MYO3B: variants seen among roughly 807,000 people sequenced by gnomAD.
MYO3B encodes the protein myosin IIIB.
In MYO3B, 156 loss-of-function variants were observed where a neutral mutation model predicts 174.6. That is an observed-to-expected ratio of 0.89 (90% CI 0.78 to 1.02). The LOEUF is 1.02. Ranked by LOEUF, MYO3B falls within the 50% of genes least tolerant of loss-of-function variation. MYO3B has a pLI of 0.00. For synonymous variants in MYO3B, 563 were observed against 569.1 expected (o/e 0.99, Z 0.15); for missense variants, 1,632 against 1,639.4 (o/e 1.00, Z 0.08).
At position 170,641,187 on chromosome 2, in the gene MYO3B, A is replaced by G. The variant is rs114802904; in HGVS notation, c.3734-10441A>G. 338 of 152,348 alleles carry G rather than the reference A, an allele frequency of 2.2e-3. 2 individuals are homozygous for G. The highest frequency in any genetic ancestry group is 8.0e-3 in the African/African-American group (331 of 41,584). 9.4% of individuals were successfully genotyped at this position (152,348 alleles called of 1,614,324 possible). On this transcript the variant is annotated intron_variant, in intron 32 of 34. Coordinates refer to ENST00000408978, the MANE Select transcript of MYO3B (RefSeq NM_138995.5). ...GAATCCTGAAACACAAATGGTGAAT[A>G]AACTGGGAGGGTAGGGAACATTCAG...
chr2:170,500,449 A>C (rs2106080389), intron 27 of MYO3B, among the ~76,000 whole-genome samples: 1 of 152,348 alleles, frequency 6.6e-6, no homozygotes, highest in Non-Finnish European at 1.5e-5. Flanking sequence ...GGATTCACAC[A>C]GTTGAATATC....
intron 32 of MYO3B, among the ~76,000 whole-genome samples, chr2:170,620,931 C>G (rs1049115277): frequency 7.9e-5 from 12 of 152,070 alleles, no homozygotes; most frequent in African/African-American, 2.7e-4. Flanking sequence ...CTCTGTCACC[C>G]AGGTTAGAGT....
chr2:170,251,023 A>T (rs533101931), intron 7 of MYO3B, among the ~76,000 whole-genome samples: 1 of 151,980 alleles, frequency 6.6e-6, no homozygotes, highest in East Asian at 1.9e-4. Context: ...GTACAAAAAC[A>T]GGAATGCCTG....
chr2:170,476,164 T>G (rs1575041729), intron 25 of MYO3B, among the ~76,000 whole-genome samples: 1 of 152,194 alleles, frequency 6.6e-6, no homozygotes, highest in African/African-American at 2.4e-5. Flanking sequence ...AGCACGTGGA[T>G]GGACACGTGC....
intron 7 of MYO3B, among the ~76,000 whole-genome samples, chr2:170,254,676 G>A (rs903952277): frequency 6.6e-6 from 1 of 152,162 alleles, no homozygotes; most frequent in Admixed American, 6.5e-5. Context: ...CACCACCCAG[G>A]GATATTGAGC....
intron 25 of MYO3B, among the ~76,000 whole-genome samples, chr2:170,496,885 C>T (rs1404719325): frequency 6.6e-6 from 1 of 151,990 alleles, no homozygotes; most frequent in Non-Finnish European, 1.5e-5. Context: ...ACTTTGGCCT[C>T]TCAAAGTACT....
chr2:170,549,125 A>G (rs1690720959), intron 32 of MYO3B, among the ~76,000 whole-genome samples: 1 of 152,004 alleles, frequency 6.6e-6, no homozygotes, highest in Non-Finnish European at 1.5e-5. Flanking sequence ...CTTTACTTAC[A>G]TTTTCTTAAT....
chr2:170,423,231 C>A (rs1237047613), intron 22 of MYO3B, among the ~76,000 whole-genome samples: 2 of 152,056 alleles, frequency 1.3e-5, no homozygotes, highest in African/African-American at 4.8e-5. Context: ...GATCCACCCA[C>A]CTTGGCCTCC....
intron 8 of MYO3B, among the ~76,000 whole-genome samples, chr2:170,338,790 A>G (rs1330601877): frequency 2.0e-5 from 3 of 151,990 alleles, no homozygotes; most frequent in African/African-American, 7.3e-5. Context: ...TTTAGCAGAG[A>G]TGGGGTTTCA....
chr2:170,333,479 G>A (rs1175861924), intron 7 of MYO3B, among the ~76,000 whole-genome samples: 1 of 152,138 alleles, frequency 6.6e-6, no homozygotes, highest in African/African-American at 2.4e-5. Flanking sequence ...AAGATATGAA[G>A]GGTAACTAAA....
At chr2:170,539,506 G>A (rs1689944886) in intron 30 of MYO3B, among the ~76,000 whole-genome samples, 1 of 152,208 alleles carries the variant, frequency 6.6e-6, no homozygotes, top group Non-Finnish European at 1.5e-5. Context: ...CTTGTGAAAT[G>A]AAAGAAGGAG....
chr2:170,483,434 T>G lies in MYO3B; in HGVS notation c.3015-15158T>G, dbSNP rs1289583636. Among the ~76,000 whole-genome samples, 13 of 107,842 alleles carry G rather than the reference T, an allele frequency of 1.2e-4. No individual in the cohort carries two copies. In the Admixed American group the frequency reaches 1.3e-3, roughly 11 times the overall value. 70.7% of individuals were successfully genotyped at this position (107,842 alleles called of 152,430 possible). On this transcript the variant is annotated intron_variant, in intron 25 of 34. Transcript: ENST00000408978. The stretch of plus-strand genomic sequence containing the variant: ...CGGAGTCTAGCTCTGTCGCCCAGGC[T>G]GGAGTGCAGTGGCGCGATCTCGGCT...
intron 1 of MYO3B, among the ~76,000 whole-genome samples, chr2:170,195,356 C>T (rs917056824): frequency 5.9e-5 from 9 of 151,994 alleles, no homozygotes; most frequent in South Asian, 2.1e-4. Context: ...AACGGCAGAA[C>T]GGCACAGCAG....
rs188234548 is a variant in MYO3B at position 170,391,602 on chromosome 2, G to A, written c.1660G>A (p.Glu554Lys). Residue 554 changes from glutamate to lysine, a missense_variant, in exon 15 of 35, where the codon GAG becomes AAG. Coordinates refer to ENST00000408978, the MANE Select transcript of MYO3B (RefSeq NM_138995.5). ...QKKLSDFRLP[E>K]EKPPRYIADE... is the part of the protein sequence containing the mutation. ...GAAGCTTTCTGATTTCAGACTTCCT[G>A]AGGAAAAACCTCCTAGGTAAGTGTC... The A allele has an allele frequency of 7.6e-5, 120 of 1,581,942 alleles. No homozygotes were observed. In the African/African-American group the frequency reaches 9.3e-4, roughly 12 times the overall value.
chr2:170,437,991 A>G (rs2094768534), intron 22 of MYO3B, among the ~76,000 whole-genome samples: 1 of 152,190 alleles, frequency 6.6e-6, no homozygotes, highest in South Asian at 2.1e-4. Context: ...ACAATACAGT[A>G]TCAAATATGT....
chr2:170,562,621 CAT>C (rs912664429), intron 32 of MYO3B, among the ~76,000 whole-genome samples: 1 of 152,186 alleles, frequency 6.6e-6, no homozygotes. Context: ...CCTAAAGTCA[CAT>C]GATTCTGTAA....
intron 32 of MYO3B, among the ~76,000 whole-genome samples, chr2:170,642,736 C>T (rs1486811304): frequency 6.6e-6 from 1 of 152,084 alleles, no homozygotes; most frequent in Non-Finnish European, 1.5e-5. Context: ...AGGAGCCAGA[C>T]CACAGAGAAT....
chr2:170,462,232 G>A (rs979150592), intron 23 of MYO3B, among the ~76,000 whole-genome samples: 1 of 152,174 alleles, frequency 6.6e-6, no homozygotes, highest in Non-Finnish European at 1.5e-5. Context: ...GGCATCGGCC[G>A]TGCAGCTCAT....
At chr2:170,446,497 C>T (rs994315864) in intron 23 of MYO3B, among the ~76,000 whole-genome samples, 7 of 151,954 alleles carry the variant, frequency 4.6e-5, no homozygotes, top group Non-Finnish European at 1.0e-4. Flanking sequence ...CATATATTTA[C>T]GTTATTAATA....
Sources: allele counts gnomAD v4.1 joint callset (sites outside exome capture counted in the v4.1 genomes callset), GRCh38; gene constraint gnomAD v4.1.1; transcripts MANE v1.5; gene names NCBI Gene and HGNC (gene_info 2026-07-23, HGNC 2026-07-21).